RMDN2: variants seen among roughly 807,000 people sequenced by gnomAD.
RMDN2 encodes the protein regulator of microtubule dynamics 2.
Under a neutral mutation model 52.8 loss-of-function variants are expected in RMDN2, and 61 were observed. The ratio of observed to expected loss-of-function variants is 1.16; its 90% CI spans 0.94 to 1.43. The LOEUF is 1.43. Among genes scored for constraint, RMDN2 ranks in the 40% most tolerant of loss-of-function variants. RMDN2 has a pLI of 0.00. For missense variants in RMDN2, 592 were observed against 475.3 expected (o/e 1.25, Z -2.28); for synonymous variants, 180 against 153.1 (o/e 1.18, Z -1.30).
At chr2:38,021,544 A>T (rs1428228895), downstream of RMDN2, among the ~76,000 whole-genome samples, 4 of 151,986 alleles carry the variant, frequency 2.6e-5, no homozygotes, top group Non-Finnish European at 4.4e-5. Context: ...GAAGGAAGAA[A>T]CTCCGAACAC....
chr2:37,956,920 C>A (rs915432427), intron 2 of RMDN2, among the ~76,000 whole-genome samples: 1 of 151,894 alleles, frequency 6.6e-6, no homozygotes, highest in Non-Finnish European at 1.5e-5. Flanking sequence ...GTTTTCTGTT[C>A]CTGTGCTAGT....
intron 8 of RMDN2, 60 bp from the exon 9 acceptor site, chr2:38,003,931 T>C (rs762624541): frequency 2.5e-6 from 3 of 1,222,146 alleles, no homozygotes; most frequent in South Asian, 2.4e-5. Flanking sequence ...TCTCTTCACT[T>C]GTGGTTACTG....
At chr2:37,968,781 A>G (rs77999230) in intron 2 of RMDN2, among the ~76,000 whole-genome samples, 1 of 152,226 alleles carries the variant, frequency 6.6e-6, no homozygotes. Context: ...ACTTCTCTAG[A>G]CCTGCTGAAA....
At chr2:37,937,837 A>G (rs940773761) in intron 2 of RMDN2, among the ~76,000 whole-genome samples, 1 of 152,202 alleles carries the variant, frequency 6.6e-6, no homozygotes. Flanking sequence ...ATCTGCAAAC[A>G]GAGATAATTT....
At chr2:38,037,136 G>A (rs1287874731) in intron 10 of RMDN2, among the ~76,000 whole-genome samples, 1 of 152,296 alleles carries the variant, frequency 6.6e-6, no homozygotes, top group Admixed American at 6.5e-5. Context: ...GGATGAACTT[G>A]GGTAAGTGAC....
At chr2:38,020,518 G>C (rs1301369335), downstream of RMDN2, among the ~76,000 whole-genome samples, 1 of 152,248 alleles carries the variant, frequency 6.6e-6, no homozygotes, top group Non-Finnish European at 1.5e-5. Context: ...TGCAGGGAGA[G>C]GGTGAGAGGG....
chr2:38,031,105 A>T (rs1029132663), intron 10 of RMDN2, among the ~76,000 whole-genome samples: 1 of 152,294 alleles, frequency 6.6e-6, no homozygotes, highest in Admixed American at 6.5e-5. Context: ...GTAATTTAAG[A>T]TGGGCCTTGG....
intron 2 of RMDN2, among the ~76,000 whole-genome samples, chr2:37,935,226 A>T (rs1022933798): frequency 6.6e-6 from 1 of 152,256 alleles, no homozygotes; most frequent in African/African-American, 2.4e-5. Context: ...CTTAGATAAT[A>T]TTACTTCGTA....
At chr2:37,991,582 C>G (rs186904563) in intron 7 of RMDN2, among the ~76,000 whole-genome samples, 1 of 151,980 alleles carries the variant, frequency 6.6e-6, no homozygotes, top group East Asian at 1.9e-4. Flanking sequence ...TATATGTGAT[C>G]TTTTTCTTTC....
rs755001166 is a variant in RMDN2 at position 38,067,004 on chromosome 2, G to C, written c.*14G>C. The C allele has an allele frequency of 3.1e-6, 5 of 1,613,776 alleles. No homozygotes were observed. In the Admixed American group the frequency reaches 8.3e-5, roughly 27 times the overall value. ...TAGGAGCTGTAGTCTGGAAGATAAA[G>C]AGCCTTTGGTACCGCAAGCCCTGTC... On this transcript the variant is annotated 3_prime_UTR_variant, in exon 11 of 11. Transcript: ENST00000234195.
At position 37,929,440 on chromosome 2, in the gene RMDN2, C is replaced by G. The variant is rs1197366001; in HGVS notation, c.163C>G (p.Gln55Glu). ...LGNTFNSITL[Q>E]DEIHDDQGTT... ...TAATACATTTAATTCAATAACTTTGCAAGATGAAATACATGATGACCAAGG... is the reference window on the plus strand; with the variant it reads ...TAATACATTTAATTCAATAACTTTGGAAGATGAAATACATGATGACCAAGG... The change falls in exon 2 of 11, where the codon CAA (glutamine) becomes GAA (glutamate). Residue 55 changes from glutamine (Q) to glutamate (E), a missense_variant. Transcript: ENST00000354545. 2 of 1,551,486 alleles carry G rather than the reference C, an allele frequency of 1.3e-6. No homozygotes were observed. The highest frequency in any genetic ancestry group is 1.7e-6 in the Non-Finnish European group (2 of 1,146,844).
chr2:37,952,209 C>T lies in RMDN2; in HGVS notation c.453-21831C>T, dbSNP rs1009074130. On this transcript the variant is annotated intron_variant, in intron 2 of 10. Coordinates refer to ENST00000354545, the MANE Select transcript of RMDN2 (RefSeq NM_001170791.3). The stretch of plus-strand genomic sequence containing the variant: ...TGAAATTCCTAAAATAAGGTCACCT[C>T]AGACTTTACCCTCTCTTAGAAGGGC... 5 of 1,612,590 alleles carry T rather than the reference C, an allele frequency of 3.1e-6. No homozygotes were observed. In the East Asian group the frequency reaches 8.9e-5, roughly 29 times the overall value.
intron 10 of RMDN2, chr2:38,029,307 C>G (rs1432410811): frequency 2.6e-5 from 4 of 152,238 alleles, no homozygotes; most frequent in Non-Finnish European, 5.9e-5. Context: ...CCACCTTCCC[C>G]CATGCCCACT....
At chr2:37,974,340 C>G (rs1053881770) in intron 3 of RMDN2, 126 bp downstream of exon 3, 60 of 570,456 alleles carry the variant, frequency 1.1e-4, no homozygotes, top group Middle Eastern at 7.1e-4. Flanking sequence ...TAAAATTTCT[C>G]TATAAAATGA....
intron 10 of RMDN2, among the ~76,000 whole-genome samples, chr2:38,053,113 G>A (rs1359434528): frequency 6.6e-6 from 1 of 152,078 alleles, no homozygotes; most frequent in African/African-American, 2.4e-5. Context: ...ACCCACAGGT[G>A]CAAATAATTC....
chr2:37,926,816 G>A (rs946837221), intron 1 of RMDN2, among the ~76,000 whole-genome samples: 1 of 152,148 alleles, frequency 6.6e-6, no homozygotes, highest in South Asian at 2.1e-4. Context: ...CACGCTTGTG[G>A]TCCTAGCTAC....
intron 10 of RMDN2, among the ~76,000 whole-genome samples, chr2:38,057,682 G>A (rs1168369689): frequency 6.6e-6 from 1 of 152,160 alleles, no homozygotes; most frequent in Non-Finnish European, 1.5e-5. Context: ...GGAGGTGATT[G>A]GATCAATGGG....
chr2:38,045,263 A>G (rs1421344991), intron 10 of RMDN2, among the ~76,000 whole-genome samples: 20 of 152,166 alleles, frequency 1.3e-4, no homozygotes. Flanking sequence ...TCCCTATAGA[A>G]GAAAATTAGT....
At chr2:37,986,177 G>A (rs1457477946) in intron 5 of RMDN2, among the ~76,000 whole-genome samples, 1 of 152,156 alleles carries the variant, frequency 6.6e-6, no homozygotes, top group African/African-American at 2.4e-5. Context: ...AATTTGGAAG[G>A]ATTAGAATTG....
Sources: gnomAD v4.1 joint callset for allele counts (sites outside exome capture counted in the v4.1 genomes callset) on GRCh38, gnomAD v4.1.1 for gene constraint, MANE v1.5 for transcripts, NCBI Gene and HGNC (gene_info 2026-07-23, HGNC 2026-07-21) for gene names.